The following DLG2 variants were observed in gnomAD, a reference collection of about 807,000 sequenced individuals.
DLG2 encodes discs large MAGUK scaffold protein 2, also known as disks large homolog 2.
DLG2 carries 45 observed loss-of-function variants against 132.5 expected under a neutral mutation model. The ratio of observed to expected loss-of-function variants is 0.34; its 90% CI spans 0.27 to 0.44. DLG2 has a LOEUF of 0.44. Among genes scored for constraint, DLG2 ranks in the 20% least tolerant of loss-of-function variants. The pLI, the probability that DLG2 is intolerant of heterozygous loss-of-function variation, is 1.00. For missense variants in DLG2, 1,045 were observed against 1,196.9 expected, an observed-to-expected ratio of 0.87 and a Z score of 1.87; for synonymous variants, 424 against 419.6, an observed-to-expected ratio of 1.01 and a Z score of -0.13.
chr11:83,487,316 TAAAAC>T (rs1321345923), intron 21 of DLG2, among the ~76,000 whole-genome samples: 1 of 100,474 alleles, frequency 1.0e-5, no homozygotes, highest in Non-Finnish European at 2.1e-5. Context: ...TTAAAGATGA[TAAAAC>T]AATAACTAAC....
intron 9 of DLG2, among the ~76,000 whole-genome samples, chr11:84,156,078 C>T (rs745323984): frequency 5.9e-5 from 9 of 152,070 alleles, no homozygotes; most frequent in East Asian, 3.9e-4. Flanking sequence ...ATACTAGGAA[C>T]GATAGAAGAA....
intron 6 of DLG2, among the ~76,000 whole-genome samples, chr11:85,041,866 A>G (rs908695110): frequency 3.9e-5 from 6 of 151,948 alleles, no homozygotes; most frequent in African/African-American, 1.4e-4. Flanking sequence ...AAAGATGAGC[A>G]GCTCTCTATG....
At chr11:83,683,099 C>T (rs2079113215) in intron 18 of DLG2, among the ~76,000 whole-genome samples, 1 of 152,180 alleles carries the variant, frequency 6.6e-6, no homozygotes, top group African/African-American at 2.4e-5. Context: ...TCATGGGGAG[C>T]AGTGCCTGAG....
intron 6 of DLG2, among the ~76,000 whole-genome samples, chr11:84,770,551 A>T (rs2069153179): frequency 6.6e-6 from 1 of 152,066 alleles, no homozygotes; most frequent in Non-Finnish European, 1.5e-5. Flanking sequence ...AAGTGAGAGC[A>T]TGCAGTATTT....
chr11:84,583,733 G>C (rs1287657360), intron 6 of DLG2, among the ~76,000 whole-genome samples: 1 of 151,904 alleles, frequency 6.6e-6, no homozygotes, highest in Non-Finnish European at 1.5e-5. Context: ...TATGGTTTTA[G>C]TGTATATATA....
intron 6 of DLG2, among the ~76,000 whole-genome samples, chr11:84,975,068 T>G (rs2054683128): frequency 6.6e-6 from 1 of 152,110 alleles, no homozygotes; most frequent in Non-Finnish European, 1.5e-5. Context: ...ATTCTACTTC[T>G]GGGCACTTTC....
chr11:84,141,302 T>G (rs369005646), intron 9 of DLG2, among the ~76,000 whole-genome samples: 1 of 151,522 alleles, frequency 6.6e-6, no homozygotes, highest in African/African-American at 2.4e-5. Context: ...TGCATATATA[T>G]AATATAGAAT....
chr11:84,714,188 A>C (rs1213544378), intron 6 of DLG2, among the ~76,000 whole-genome samples: 6 of 129,956 alleles, frequency 4.6e-5, no homozygotes, highest in Admixed American at 3.7e-4. Flanking sequence ...TAAAAAAAAA[A>C]CATATACCAA....
At chr11:84,079,071 G>T (rs2096867516) in intron 10 of DLG2, among the ~76,000 whole-genome samples, 1 of 152,022 alleles carries the variant, frequency 6.6e-6, no homozygotes, top group Non-Finnish European at 1.5e-5. Flanking sequence ...CTGATATGGG[G>T]CCCAGGACAA....
At position 85,608,695 on chromosome 11, in the gene DLG2, G is replaced by GGGGGT. The variant is rs554206768; in HGVS notation, c.-92-9912_-92-9908dup. Among the ~76,000 whole-genome samples, 32 of 152,176 alleles carry GGGGGT rather than the reference G, an allele frequency of 2.1e-4. 1 individual carries two copies. The East Asian group carries it at 5.6e-3, about 27-fold the overall frequency. Reference sequence around the variant, plus strand: ...TCAGTTTTGTCCCCTTCAAGCTGTAGGGGGTGGGGAATTTGGCCCCACCCA... The same window carrying GGGGGT: ...TCAGTTTTGTCCCCTTCAAGCTGTAGGGGGTGGGGTGGGGAATTTGGCCCCACCCA... On this transcript the variant is annotated intron_variant, in intron 2 of 27. Transcript: ENST00000376104.
At chr11:84,664,963 A>ATT (rs999514585) in intron 6 of DLG2, among the ~76,000 whole-genome samples, 1 of 149,614 alleles carries the variant, frequency 6.7e-6, no homozygotes, top group East Asian at 2.0e-4. Flanking sequence ...GGTATGACAT[A>ATT]TTTTTTTTTT....
At chr11:84,737,495 A>G (rs1188144909) in intron 6 of DLG2, among the ~76,000 whole-genome samples, 1 of 122,618 alleles carries the variant, frequency 8.2e-6, no homozygotes, top group African/African-American at 2.9e-5. Context: ...AGAGAGAAAG[A>G]AAGAGACAGA....
At chr11:85,271,493 C>T (rs764436026) in intron 4 of DLG2, among the ~76,000 whole-genome samples, 4 of 152,166 alleles carry the variant, frequency 2.6e-5, no homozygotes, top group Non-Finnish European at 4.4e-5. Flanking sequence ...GTCCTCCAGA[C>T]CCCAGAATGG....
intron 3 of DLG2, among the ~76,000 whole-genome samples, chr11:85,417,941 G>T (rs2090001357): frequency 6.6e-6 from 1 of 151,908 alleles, no homozygotes; most frequent in African/African-American, 2.4e-5. Context: ...ATCTCTTTCA[G>T]TTCTGCTCTG....
At chr11:85,189,056 G>T (rs917983304) in intron 4 of DLG2, among the ~76,000 whole-genome samples, 1 of 151,970 alleles carries the variant, frequency 6.6e-6, no homozygotes, top group Non-Finnish European at 1.5e-5. Flanking sequence ...AAAAACTGTT[G>T]AAAGAAAAAG....
chr11:84,869,403 G>A, intron 6 of DLG2, among the ~76,000 whole-genome samples: 1 of 152,178 alleles, frequency 6.6e-6, no homozygotes, highest in East Asian at 1.9e-4. Flanking sequence ...AGATGACAAG[G>A]ATGAGTTAAG....
intron 6 of DLG2, among the ~76,000 whole-genome samples, chr11:84,893,861 C>T (rs1257024913): frequency 6.6e-6 from 1 of 152,092 alleles, no homozygotes; most frequent in Non-Finnish European, 1.5e-5. Flanking sequence ...TGTTAGCTTA[C>T]AGCACTGTAC....
intron 7 of DLG2, among the ~76,000 whole-genome samples, chr11:84,507,477 T>C (rs1292070754): frequency 2.0e-5 from 3 of 152,162 alleles, no homozygotes; most frequent in African/African-American, 4.8e-5. Flanking sequence ...ACAGATAAAA[T>C]TGAGCCCTTA....
chr11:85,527,665 A>C (rs1384105006), intron 3 of DLG2, among the ~76,000 whole-genome samples: 4 of 152,182 alleles, frequency 2.6e-5, no homozygotes, highest in African/African-American at 9.7e-5. Context: ...ATACTTGTGC[A>C]TCTGTCTTTA....
Sources: gnomAD v4.1 joint callset for allele counts (sites outside exome capture counted in the v4.1 genomes callset) on GRCh38, gnomAD v4.1.1 for gene constraint, MANE v1.5 for transcripts, NCBI Gene and HGNC (gene_info 2026-07-23, HGNC 2026-07-21) for gene names.